PRRG1: variants seen among roughly 807,000 people sequenced by gnomAD.
The protein encoded by PRRG1 is proline rich and Gla domain 1, also known as transmembrane gamma-carboxyglutamic acid protein 1.
In PRRG1, 5 loss-of-function variants were observed where a neutral mutation model predicts 11.8. That is an observed-to-expected ratio of 0.42 (90% CI 0.22 to 0.89). The LOEUF (loss-of-function observed/expected upper bound fraction) is 0.89, where lower values mean the gene tolerates loss of function less well. PRRG1 is among the 40% of genes least tolerant of loss of function. PRRG1 has a pLI of 0.28. For synonymous variants in PRRG1, 66 were observed against 60.4 expected, an observed-to-expected ratio of 1.09 and a Z score of -0.43; for missense variants, 155 against 166.1, an observed-to-expected ratio of 0.93 and a Z score of 0.37.
chrX:37,354,030 CCT>C (rs1556365428), intron 1 of PRRG1, among the ~76,000 whole-genome samples: 2 of 112,256 alleles, frequency 1.8e-5, no homozygotes, highest in African/African-American at 6.5e-5. Context: ...TATTTCCCAC[CCT>C]GTTTGAGCTC....
intron 1 of PRRG1, among the ~76,000 whole-genome samples, chrX:37,381,071 C>T (rs782431410): frequency 1.8e-5 from 2 of 111,590 alleles, no homozygotes; most frequent in South Asian, 7.6e-4. Context: ...CAGCAGTTCT[C>T]TCAGGACTGC....
At chrX:37,441,054 G>A in intron 3 of PRRG1, 1 of 959,302 alleles carries the variant, frequency 1.0e-6, no homozygotes, top group South Asian at 5.1e-5. Flanking sequence ...ATAGGTGTGA[G>A]ACACCATGCC....
At chrX:37,431,556 C>A (rs986238965) in intron 3 of PRRG1, among the ~76,000 whole-genome samples, 7 of 99,439 alleles carry the variant, frequency 7.0e-5, no homozygotes, top group Non-Finnish European at 1.2e-4. Context: ...TTGGTGAAAT[C>A]TCTCTTCATG....
chrX:37,358,043 C>T (rs1486742758), intron 1 of PRRG1, among the ~76,000 whole-genome samples: 1 of 111,220 alleles, frequency 9.0e-6, no homozygotes, highest in Non-Finnish European at 1.9e-5. Flanking sequence ...CTGTATCCAT[C>T]TGTATATCTT....
At chrX:37,372,385 C>A (rs782592467) in intron 1 of PRRG1, among the ~76,000 whole-genome samples, 11 of 112,280 alleles carry the variant, frequency 9.8e-5, no homozygotes, top group Non-Finnish European at 1.9e-4. Flanking sequence ...CTCACTGCAA[C>A]CTTCGCCTCC....
chrX:37,385,760 C>CTT (rs782500044), intron 1 of PRRG1, among the ~76,000 whole-genome samples: 3 of 100,167 alleles, frequency 3.0e-5, no homozygotes, highest in African/African-American at 3.6e-5. Flanking sequence ...AGATGGCTTC[C>CTT]TTTTTTTTTT....
intron 1 of PRRG1, among the ~76,000 whole-genome samples, chrX:37,389,599 G>A (rs1323337473): frequency 5.4e-5 from 6 of 110,968 alleles, no homozygotes; most frequent in Admixed American, 3.8e-4. Context: ...TAAACAACCA[G>A]ATCTTGCAAT....
At chrX:37,432,578 T>G (rs1364223763) in intron 3 of PRRG1, among the ~76,000 whole-genome samples, 1 of 111,495 alleles carries the variant, frequency 9.0e-6, no homozygotes, top group Non-Finnish European at 1.9e-5. Flanking sequence ...TTCCTTCCTA[T>G]AGAATCATTC....
At chrX:37,399,870 C>A (rs2146570037) in intron 1 of PRRG1, among the ~76,000 whole-genome samples, 1 of 108,903 alleles carries the variant, frequency 9.2e-6, no homozygotes, top group Non-Finnish European at 1.9e-5. Flanking sequence ...CAACAAAGAT[C>A]AAAAGAGACA....
In PRRG1 at chrX:37,453,863, G is replaced by T; in HGVS notation, c.*242G>T. On this transcript the variant is annotated 3_prime_UTR_variant, in exon 4 of 4. Transcript: ENST00000378628. ...ACTAATGGGGGTCTTTCTGTGATGTGATGAGACATACATGTAAGTGTATAT... is the reference window on the plus strand; with the variant it reads ...ACTAATGGGGGTCTTTCTGTGATGTTATGAGACATACATGTAAGTGTATAT... 2 of 336,318 alleles carry T rather than the reference G, an allele frequency of 5.9e-6. No homozygotes were observed. Among genetic ancestry groups the T allele is most frequent in the Non-Finnish European group, 1.0e-5 (2 of 196,020 alleles). 27.7% of individuals were successfully genotyped at this position (336,318 alleles called of 1,213,427 possible).
At chrX:37,435,182 T>C (rs1224946300) in intron 3 of PRRG1, among the ~76,000 whole-genome samples, 1 of 111,265 alleles carries the variant, frequency 9.0e-6, no homozygotes, top group Non-Finnish European at 1.9e-5. Flanking sequence ...ATCCAAAGAA[T>C]GGGAGCATGT....
chrX:37,362,346 A>G (rs1478996111), intron 1 of PRRG1, among the ~76,000 whole-genome samples: 2 of 110,313 alleles, frequency 1.8e-5, no homozygotes, highest in African/African-American at 6.6e-5. Context: ...GTCCACTCCT[A>G]CTGCTGTTGT....
intron 1 of PRRG1, among the ~76,000 whole-genome samples, chrX:37,380,419 G>C (rs1218742672): frequency 8.9e-6 from 1 of 111,789 alleles, no homozygotes; most frequent in African/African-American, 3.2e-5. Flanking sequence ...ATTAGATTAA[G>C]AATCAGACCT....
At chrX:37,405,015 A>G (rs183239989) in intron 1 of PRRG1, among the ~76,000 whole-genome samples, 1 of 112,024 alleles carries the variant, frequency 8.9e-6, no homozygotes, top group Non-Finnish European at 1.9e-5. Context: ...TTGAGACTGT[A>G]CTTTTGTCCC....
At chrX:37,448,831 A>G (rs1020037702) in intron 3 of PRRG1, among the ~76,000 whole-genome samples, 1 of 111,426 alleles carries the variant, frequency 9.0e-6, no homozygotes, top group African/African-American at 3.3e-5. Context: ...GAGTCTCCCT[A>G]TGTTTCCCAG....
rs1256590482 is a variant in PRRG1, at chrX:37,454,479, G to T, written c.*858G>T. On this transcript the variant is annotated 3_prime_UTR_variant, in exon 4 of 4. Transcript: ENST00000378628. ...CCCATTACTCCTTTACTCATAGCTG[G>T]TAAAATTATTCCCACTGTTTTATTG... 8.9e-6 allele frequency: 1 copy of T among 111,803 alleles called. No homozygotes were observed. The highest frequency in any genetic ancestry group is 9.5e-5 in the Admixed American group (1 of 10,555). The allele number at this position is 111,803 out of a possible 1,213,427, so 9.2% of individuals were successfully genotyped here. A position where few individuals can be genotyped will look rare whatever the true frequency, so the allele number is the denominator to read the frequency against.
chrX:37,417,477 T>C (rs1194162525), intron 2 of PRRG1, among the ~76,000 whole-genome samples: 1 of 111,940 alleles, frequency 8.9e-6, no homozygotes, highest in African/African-American at 3.2e-5. Flanking sequence ...ACATATCAGC[T>C]ATGAAAAGTT....
intron 1 of PRRG1, among the ~76,000 whole-genome samples, chrX:37,389,338 T>G (rs1206840307): frequency 8.9e-6 from 1 of 112,061 alleles, no homozygotes; most frequent in African/African-American, 3.2e-5. Flanking sequence ...CACTCCTTGG[T>G]ACCAATTTTC....
chrX:37,373,974 A>T (rs189252571), intron 1 of PRRG1, among the ~76,000 whole-genome samples: 1 of 111,625 alleles, frequency 9.0e-6, no homozygotes, highest in East Asian at 2.8e-4. Context: ...TTGAGAGTTT[A>T]TCAGGAAACA....
Sources: allele counts gnomAD v4.1 joint callset (sites outside exome capture counted in the v4.1 genomes callset), GRCh38; gene constraint gnomAD v4.1.1; transcripts MANE v1.5; gene names NCBI Gene and HGNC (gene_info 2026-07-23, HGNC 2026-07-21).